MTHFS: variants seen among roughly 807,000 people sequenced by gnomAD.
MTHFS encodes the protein 5-formyltetrahydrofolate cyclo-ligase.
MTHFS carries 7 observed loss-of-function variants against 12.7 expected under a neutral mutation model. That is an observed-to-expected ratio of 0.55 (90% confidence interval 0.31 to 1.03). MTHFS has a LOEUF of 1.03. Ranked by LOEUF, MTHFS falls within the 50% of genes least tolerant of loss-of-function variation. MTHFS has a pLI of 0.05. For missense variants in MTHFS, 252 were observed against 258.1 expected (o/e 0.98, Z 0.16); for synonymous variants, 100 against 97.1 (o/e 1.03, Z -0.18).
intron 2 of MTHFS, among the ~76,000 whole-genome samples, chr15:79,855,781 T>C (rs925892822): frequency 3.3e-5 from 5 of 152,176 alleles, no homozygotes; most frequent in Non-Finnish European, 7.3e-5. Flanking sequence ...GGTTTTCTGT[T>C]CTTCTGTTGG....
chr15:79,889,830 C>T (rs1231503613), intron 1 of MTHFS, among the ~76,000 whole-genome samples: 1 of 152,212 alleles, frequency 6.6e-6, no homozygotes, highest in Non-Finnish European at 1.5e-5. Context: ...CAAGCCCTAA[C>T]TTTTCCTAAC....
intron 2 of MTHFS, among the ~76,000 whole-genome samples, chr15:79,882,633 G>C (rs1471280137): frequency 6.6e-6 from 1 of 152,158 alleles, no homozygotes; most frequent in Non-Finnish European, 1.5e-5. Flanking sequence ...AAGAGCCAAG[G>C]GGCACATAGG....
At chr15:79,874,733 A>C (rs1018663881) in intron 2 of MTHFS, among the ~76,000 whole-genome samples, 2 of 152,140 alleles carry the variant, frequency 1.3e-5, no homozygotes, top group African/African-American at 4.8e-5. Context: ...ATTCCAGGGA[A>C]TCTAGAAGGC....
intron 2 of MTHFS, among the ~76,000 whole-genome samples, chr15:79,861,506 C>T (rs540345702): frequency 2.0e-5 from 3 of 152,114 alleles, no homozygotes; most frequent in South Asian, 2.1e-4. Flanking sequence ...GTGATGAGTA[C>T]GTAAAGTGGC....
chr15:79,846,192 A>G (rs1255110353), intron 2 of MTHFS, among the ~76,000 whole-genome samples: 11 of 152,234 alleles, frequency 7.2e-5, no homozygotes, highest in Admixed American at 2.0e-4. Context: ...GGGGATTCCC[A>G]TGAAGATGGC....
intron 2 of MTHFS, among the ~76,000 whole-genome samples, chr15:79,852,918 T>A (rs780306663): frequency 6.6e-6 from 1 of 152,222 alleles, no homozygotes; most frequent in Non-Finnish European, 1.5e-5. Flanking sequence ...GAATTTAGAC[T>A]CTTCTAAGTA....
At chr15:79,855,957 G>T (rs1303681917) in intron 2 of MTHFS, among the ~76,000 whole-genome samples, 1 of 152,108 alleles carries the variant, frequency 6.6e-6, no homozygotes, top group Non-Finnish European at 1.5e-5. Context: ...TTGCTATTAT[G>T]AATAGTCCTG....
At chr15:79,861,590 T>G (rs1177054630) in intron 2 of MTHFS, among the ~76,000 whole-genome samples, 2 of 152,242 alleles carry the variant, frequency 1.3e-5, no homozygotes, top group Non-Finnish European at 2.9e-5. Flanking sequence ...TGGATAGATG[T>G]TGATCCCATG....
chr15:79,865,743 T>C (rs1050400439), intron 2 of MTHFS, among the ~76,000 whole-genome samples: 1 of 152,108 alleles, frequency 6.6e-6, no homozygotes, highest in Non-Finnish European at 1.5e-5. Flanking sequence ...CCCCTGCAAA[T>C]ACTGGGCTAT....
At chr15:79,870,951 T>C (rs1412495371) in intron 2 of MTHFS, among the ~76,000 whole-genome samples, 1 of 152,128 alleles carries the variant, frequency 6.6e-6, no homozygotes, top group Non-Finnish European at 1.5e-5. Flanking sequence ...GAGACCAGCC[T>C]GGTCAACATG....
intron 2 of MTHFS, among the ~76,000 whole-genome samples, chr15:79,856,147 G>A (rs1384024755): frequency 3.9e-5 from 6 of 152,064 alleles, no homozygotes; most frequent in African/African-American, 7.2e-5. Flanking sequence ...ATGCATAAGC[G>A]TTCCCTTTTC....
At chr15:79,897,243 G>C (rs892399673), upstream of MTHFS, 4 of 457,372 alleles carry the variant, frequency 8.7e-6, no homozygotes, top group African/African-American at 8.2e-5. Flanking sequence ...GCGGTGGCGA[G>C]GCGCCGTCGC....
chr15:79,880,403 TAATC>T (rs2034276456), intron 2 of MTHFS, among the ~76,000 whole-genome samples: 1 of 151,950 alleles, frequency 6.6e-6, no homozygotes, highest in African/African-American at 2.4e-5. Flanking sequence ...TTATGGATAA[TAATC>T]AATACAATCT....
chr15:79,864,829 T>C (rs1407428160), intron 2 of MTHFS, among the ~76,000 whole-genome samples: 3 of 152,202 alleles, frequency 2.0e-5, no homozygotes, highest in East Asian at 3.8e-4. Context: ...AATTGATCAC[T>C]GGGCTCAGCT....
At position 79,896,787 on chromosome 15, in the gene MTHFS, G is replaced by T. The variant is rs905536598; in HGVS notation, c.117+85C>A. On this transcript the variant is annotated intron_variant, in intron 1 of 2. Coordinates refer to ENST00000258874, the MANE Select transcript of MTHFS (RefSeq NM_006441.4). ...GGGGCGCCTAGCCCAGCGCCAGCACGGACCATGCACAGATCAGCAATCGCT... is the reference window on the plus strand; with the variant it reads ...GGGGCGCCTAGCCCAGCGCCAGCACTGACCATGCACAGATCAGCAATCGCT... 35 of 1,417,292 alleles carry T rather than the reference G, an allele frequency of 2.5e-5. No homozygotes were observed. In the South Asian group the frequency reaches 3.4e-4, roughly 14 times the overall value. The allele number at this position is 1,417,292 out of a possible 1,614,324, so 87.8% of individuals were successfully genotyped here.
At chr15:79,897,145 C>A (rs188687524), upstream of MTHFS, 806 of 623,682 alleles carry the variant, frequency 1.3e-3, 7 homozygotes, top group African/African-American at 0.014. Flanking sequence ...GGGCCCGCGG[C>A]GCGCCGCGCG....
At chr15:79,891,735 A>T (rs1245751324) in intron 1 of MTHFS, among the ~76,000 whole-genome samples, 1 of 152,162 alleles carries the variant, frequency 6.6e-6, no homozygotes, top group Non-Finnish European at 1.5e-5. Context: ...AGGGAGGTGG[A>T]GGCGGGTAGA....
At chr15:79,871,754 C>T (rs2034109641) in intron 2 of MTHFS, among the ~76,000 whole-genome samples, 1 of 151,850 alleles carries the variant, frequency 6.6e-6, no homozygotes, top group African/African-American at 2.4e-5. Context: ...ATTTGAAATG[C>T]TTAAACAAAA....
intron 2 of MTHFS, among the ~76,000 whole-genome samples, chr15:79,853,229 T>G (rs1275399985): frequency 6.6e-6 from 1 of 152,242 alleles, no homozygotes; most frequent in Non-Finnish European, 1.5e-5. Flanking sequence ...TACTCTTCTA[T>G]ATGGTTTACA....
Sources: gnomAD v4.1 joint callset for allele counts (sites outside exome capture counted in the v4.1 genomes callset) on GRCh38, gnomAD v4.1.1 for gene constraint, MANE v1.5 for transcripts, NCBI Gene and HGNC (gene_info 2026-07-23, HGNC 2026-07-21) for gene names.